The following ZNF831 variants were observed in gnomAD, a reference collection of about 807,000 sequenced individuals.
The protein encoded by ZNF831 is zinc finger protein 831, also known as chromosome 20 open reading frame 174.
In ZNF831, 59 loss-of-function variants were observed where a neutral mutation model predicts 95.8. The observed-to-expected ratio is 0.62, with a 90% CI of 0.50 to 0.77. The LOEUF is 0.77. Ranked by LOEUF, ZNF831 falls within the 30% of genes least tolerant of loss-of-function variation. The pLI, the probability that ZNF831 is intolerant of heterozygous loss-of-function variation, is 0.00. For synonymous variants in ZNF831, 961 were observed against 925.5 expected (o/e 1.04, Z -0.70); for missense variants, 2,205 against 2,164.0 (o/e 1.02, Z -0.38).
chr20:59,233,367 C>T (rs940496897), intron 4 of ZNF831, among the ~76,000 whole-genome samples: 2 of 152,132 alleles, frequency 1.3e-5, no homozygotes, highest in Non-Finnish European at 2.9e-5. Flanking sequence ...CCTTTGGGTC[C>T]CTCCTGGTGT....
At chr20:59,244,790 C>A (rs939133017) in intron 4 of ZNF831, among the ~76,000 whole-genome samples, 2 of 152,158 alleles carry the variant, frequency 1.3e-5, no homozygotes, top group Admixed American at 6.5e-5. Context: ...TAGGCCGATA[C>A]GTATATAGAT....
At position 59,193,361 on chromosome 20, in the gene ZNF831, C is replaced by T. The variant is rs200754847; in HGVS notation, c.2342C>T (p.Pro781Leu). 3.4e-5 allele frequency: 54 copies of T among 1,609,550 alleles called. No homozygotes were observed. The South Asian group carries it at 3.6e-4, about 11-fold the overall frequency. The change falls in exon 2 of 6, where the codon CCG becomes CTG. Residue 781 changes from proline to leucine, a missense_variant. By Grantham distance (98) the Pro-to-Leu change is moderately conservative. Transcript: ENST00000371030. ...GTAGAGGCTCCCAGGCCAGTTTGGC[C>T]GGACCCCAAGCTGGAAGGAGGTGCC... ...GDVEAPRPVWPDPKLEGGARG... is the reference protein window; with the variant it reads ...GDVEAPRPVWLDPKLEGGARG...
intron 4 of ZNF831, among the ~76,000 whole-genome samples, chr20:59,207,327 G>T (rs1984967473): frequency 6.6e-6 from 1 of 152,212 alleles, no homozygotes; most frequent in Admixed American, 6.5e-5. Flanking sequence ...CTCTGAACCA[G>T]GTGCAGGTTC....
chr20:59,252,063 C>T (rs1987918309), intron 4 of ZNF831, among the ~76,000 whole-genome samples: 1 of 152,064 alleles, frequency 6.6e-6, no homozygotes, highest in Admixed American at 6.6e-5. Context: ...TCCTCTCTCC[C>T]CATGAGAAGT....
At chr20:59,210,497 T>C (rs1172328895) in intron 4 of ZNF831, among the ~76,000 whole-genome samples, 1 of 152,208 alleles carries the variant, frequency 6.6e-6, no homozygotes, top group Non-Finnish European at 1.5e-5. Flanking sequence ...CAGGGACACC[T>C]GCTCCTCTCT....
intron 4 of ZNF831, among the ~76,000 whole-genome samples, chr20:59,220,931 G>T (rs1986033667): frequency 1.3e-5 from 2 of 152,192 alleles, no homozygotes; most frequent in African/African-American, 2.4e-5. Context: ...ATTGTCTCAG[G>T]TCCTCATCTG....
intron 4 of ZNF831, among the ~76,000 whole-genome samples, chr20:59,221,065 T>C (rs1986040267): frequency 6.6e-6 from 1 of 152,190 alleles, no homozygotes. Context: ...TCAAGTTACA[T>C]GAGACAGTGA....
chr20:59,224,118 G>A (rs942659258), intron 4 of ZNF831, among the ~76,000 whole-genome samples: 10 of 152,196 alleles, frequency 6.6e-5, no homozygotes, highest in Non-Finnish European at 1.2e-4. Flanking sequence ...GAGTACCCTC[G>A]CACCAGGAGG....
chr20:59,139,416 C>T (rs1318436724), intron 1 of ZNF831, among the ~76,000 whole-genome samples: 2 of 152,120 alleles, frequency 1.3e-5, no homozygotes, highest in East Asian at 3.8e-4. Flanking sequence ...TTTTACTCCA[C>T]CCAGCCCCCC....
chr20:59,252,959 T>A lies in ZNF831; in HGVS notation c.4028-19T>A, dbSNP rs1337504448. ...TTTTATAATTCCAGTCATATGTAAA[T>A]GTGCCTCTCCCCTTGCAGGTCTGAA... On this transcript the variant is annotated intron_variant, in intron 4 of 5. Transcript: ENST00000371030. 1.2e-6 allele frequency: 2 copies of A among 1,610,168 alleles called. No homozygotes were observed. Among genetic ancestry groups the A allele is most frequent in the Non-Finnish European group, 1.7e-6 (2 of 1,178,478 alleles).
chr20:59,228,250 A>G (rs1267523487), intron 4 of ZNF831, among the ~76,000 whole-genome samples: 1 of 152,068 alleles, frequency 6.6e-6, no homozygotes, highest in Non-Finnish European at 1.5e-5. Flanking sequence ...TCACCTAGGT[A>G]TTGGCTGGTT....
chr20:59,149,994 C>T (rs1377847056), intron 2 of ZNF831, among the ~76,000 whole-genome samples: 1 of 152,240 alleles, frequency 6.6e-6, no homozygotes, highest in Non-Finnish European at 1.5e-5. Flanking sequence ...TCCTCTGTGA[C>T]CTGCTACGGG....
intron 1 of ZNF831, among the ~76,000 whole-genome samples, chr20:59,128,677 G>A (rs562763755): frequency 6.6e-6 from 1 of 152,244 alleles, no homozygotes; most frequent in Admixed American, 6.5e-5. Context: ...GGCAGAGGCA[G>A]TGTGACCAGG....
chr20:59,195,556 G>A (rs1025242291), intron 2 of ZNF831, among the ~76,000 whole-genome samples: 5 of 152,140 alleles, frequency 3.3e-5, no homozygotes, highest in African/African-American at 1.2e-4. Context: ...CAGGGGTGTG[G>A]GGGCTCCCGG....
At position 59,217,067 on chromosome 20, in the gene ZNF831, G is replaced by A. The variant is rs1156743434; in HGVS notation, c.4027+10011G>A. Among the ~76,000 whole-genome samples the A allele has an allele frequency of 6.6e-6, 1 of 152,022 alleles. No homozygotes were observed. Among genetic ancestry groups the A allele is most frequent in the South Asian group, 2.1e-4 (1 of 4,808 alleles). ...TAACACATAAAAATGCAATAGATAA[G>A]GCTGATGTTCAGTTTCACCACTACC... On this transcript the variant is annotated intron_variant, in intron 4 of 5. Coordinates refer to ENST00000371030, the MANE Select transcript of ZNF831 (RefSeq NM_178457.3). The surrounding 1 kb of genome is among the most constrained non-coding windows in gnomAD (Gnocchi z 4.4).
intron 2 of ZNF831, among the ~76,000 whole-genome samples, chr20:59,195,311 A>T (rs958398670): frequency 6.6e-6 from 1 of 152,116 alleles, no homozygotes; most frequent in African/African-American, 2.4e-5. Flanking sequence ...CCACCTTGAG[A>T]GGGGGTTCAC....
intron 1 of ZNF831, among the ~76,000 whole-genome samples, chr20:59,129,698 G>A (rs139515069): frequency 8.5e-4 from 130 of 152,236 alleles, no homozygotes; most frequent in Middle Eastern, 6.8e-3. Context: ...CTTCATGGTC[G>A]TAGCCCACCT....
At chr20:59,240,733 C>T (rs993239411) in intron 4 of ZNF831, among the ~76,000 whole-genome samples, 10 of 152,026 alleles carry the variant, frequency 6.6e-5, no homozygotes, top group African/African-American at 2.4e-4. Flanking sequence ...ACCCGGGAGG[C>T]GGAGCTTGCA....
intron 1 of ZNF831, among the ~76,000 whole-genome samples, chr20:59,125,905 G>T (rs542250732): frequency 6.6e-6 from 1 of 152,234 alleles, no homozygotes; most frequent in African/African-American, 2.4e-5. Flanking sequence ...GCAGGATTGA[G>T]AGCAAACTGT....
Sources: allele counts gnomAD v4.1 joint callset (sites outside exome capture counted in the v4.1 genomes callset), GRCh38; gene constraint gnomAD v4.1.1; non-coding constraint Gnocchi (gnomAD v3.1); transcripts MANE v1.5; gene names NCBI Gene and HGNC (gene_info 2026-07-23, HGNC 2026-07-21).